The following SPAG16 variants were observed in gnomAD, a reference collection of about 807,000 sequenced individuals.
The protein encoded by SPAG16 is sperm associated antigen 16, also known as sperm-associated antigen 16 protein.
In SPAG16, 86 loss-of-function variants were observed where a neutral mutation model predicts 80.4. The ratio of observed to expected loss-of-function variants is 1.07; its 90% CI spans 0.90 to 1.28. The LOEUF (loss-of-function observed/expected upper bound fraction) is 1.28, where lower values mean the gene tolerates loss of function less well. SPAG16 is among the 50% of genes most tolerant of loss of function. SPAG16 has a pLI of 0.00. For synonymous variants in SPAG16, 294 were observed against 265.9 expected (o/e 1.11, Z -1.03); for missense variants, 870 against 765.3 (o/e 1.14, Z -1.61).
intron 13 of SPAG16, among the ~76,000 whole-genome samples, chr2:214,102,805 C>G (rs1226658793): frequency 2.0e-5 from 3 of 151,712 alleles, no homozygotes; most frequent in Non-Finnish European, 4.4e-5. Flanking sequence ...AGTTCCAGAA[C>G]AGGAAGAGGA....
At chr2:213,589,212 C>G (rs1660723964) in intron 10 of SPAG16, among the ~76,000 whole-genome samples, 1 of 152,086 alleles carries the variant, frequency 6.6e-6, no homozygotes. Flanking sequence ...GTAAATTGCC[C>G]AAACTTCTTC....
chr2:213,472,350 C>T (rs1471578314), intron 9 of SPAG16, among the ~76,000 whole-genome samples: 1 of 152,036 alleles, frequency 6.6e-6, no homozygotes, highest in Non-Finnish European at 1.5e-5. Flanking sequence ...ACAGCAGCTG[C>T]AAATGGAGTC....
intron 10 of SPAG16, among the ~76,000 whole-genome samples, chr2:213,677,356 T>C (rs2064137716): frequency 6.6e-6 from 1 of 152,132 alleles, no homozygotes; most frequent in East Asian, 1.9e-4. Flanking sequence ...CATCAGTGTG[T>C]TGTATTTGGG....
intron 7 of SPAG16, among the ~76,000 whole-genome samples, chr2:213,360,648 G>C (rs914960512): frequency 1.3e-5 from 2 of 152,132 alleles, no homozygotes; most frequent in African/African-American, 4.8e-5. Context: ...TACTAATCAG[G>C]TATATCCTGG....
chr2:213,922,252 A>G (rs1458480496), intron 11 of SPAG16, among the ~76,000 whole-genome samples: 4 of 83,490 alleles, frequency 4.8e-5, no homozygotes, highest in Non-Finnish European at 1.1e-4. Flanking sequence ...TTTTTGTCTG[A>G]CTGAGTTATT....
rs189733708 is a variant in SPAG16, at chr2:213,447,613, G to A, written c.943-42350G>A. Among the ~76,000 whole-genome samples the A allele has an allele frequency of 9.2e-5, 14 of 152,258 alleles. No homozygotes were observed. The East Asian group carries it at 9.7e-4, about 11-fold the overall frequency. ...TTCTTTATGGTGGAGAACATCGGGC[G>A]TTCCCACCGCCACTCCTCTCCCTCA... On this transcript the variant is annotated intron_variant, in intron 9 of 15. Coordinates refer to ENST00000331683, the MANE Select transcript of SPAG16 (RefSeq NM_024532.5).
intron 15 of SPAG16, among the ~76,000 whole-genome samples, chr2:214,213,706 A>G (rs1428839191): frequency 1.3e-5 from 2 of 152,168 alleles, no homozygotes; most frequent in Admixed American, 1.3e-4. Flanking sequence ...GATTGAGCCC[A>G]ATTAAGAATC....
At chr2:213,752,071 C>G (rs960678510) in intron 10 of SPAG16, among the ~76,000 whole-genome samples, 1 of 152,138 alleles carries the variant, frequency 6.6e-6, no homozygotes, top group African/African-American at 2.4e-5. Flanking sequence ...TAGCTAGAAA[C>G]AATTGCTTTT....
At chr2:213,991,864 T>TTTATTTAC (rs1312518530) in intron 12 of SPAG16, among the ~76,000 whole-genome samples, 1 of 124,540 alleles carries the variant, frequency 8.0e-6, no homozygotes, top group East Asian at 2.1e-4. Flanking sequence ...TGAGAGTTTA[T>TTTATTTAC]TTATTTATTT....
intron 11 of SPAG16, among the ~76,000 whole-genome samples, chr2:213,914,778 A>G (rs13030280): frequency 0.23 from 35,057 of 152,122 alleles, 4,666 homozygotes; most frequent in East Asian, 0.4. Flanking sequence ...GGCCACATGT[A>G]TGTCTTCTTT....
intron 3 of SPAG16, among the ~76,000 whole-genome samples, chr2:213,297,978 C>T (rs144248873): frequency 3.9e-5 from 6 of 152,206 alleles, no homozygotes; most frequent in African/African-American, 1.4e-4. Context: ...TGTTTAACCC[C>T]TTTACTACAG....
chr2:213,706,875 T>G (rs1317490586), intron 10 of SPAG16, among the ~76,000 whole-genome samples: 1 of 152,210 alleles, frequency 6.6e-6, no homozygotes, highest in East Asian at 1.9e-4. Context: ...GAGAATCTGC[T>G]TCTAGTCATT....
intron 10 of SPAG16, among the ~76,000 whole-genome samples, chr2:213,815,412 G>A (rs1345012605): frequency 1.3e-5 from 2 of 152,144 alleles, no homozygotes; most frequent in African/African-American, 4.8e-5. Flanking sequence ...AGGACTGTGT[G>A]AATTTGTCCA....
At chr2:213,519,512 A>G (rs956412816) in intron 10 of SPAG16, among the ~76,000 whole-genome samples, 1 of 152,182 alleles carries the variant, frequency 6.6e-6, no homozygotes, top group Non-Finnish European at 1.5e-5. Context: ...CCATCCACAT[A>G]AGATGTGACT....
intron 10 of SPAG16, among the ~76,000 whole-genome samples, chr2:213,750,332 CAA>C (rs910457406): frequency 1.3e-5 from 2 of 151,628 alleles, no homozygotes; most frequent in South Asian, 2.1e-4. Context: ...TGTAAAATGA[CAA>C]GAGTTACATC....
At chr2:214,169,689 T>G (rs2056801995) in intron 15 of SPAG16, among the ~76,000 whole-genome samples, 2 of 152,062 alleles carry the variant, frequency 1.3e-5, no homozygotes, top group Non-Finnish European at 2.9e-5. Flanking sequence ...TAGAAAGTTA[T>G]CTAAGATGAT....
At chr2:214,273,010 T>C (rs1692152290) in intron 15 of SPAG16, among the ~76,000 whole-genome samples, 1 of 152,214 alleles carries the variant, frequency 6.6e-6, no homozygotes, top group African/African-American at 2.4e-5. Flanking sequence ...GGTATCTCAC[T>C]GTGGTTTTGA....
At chr2:213,434,510 ATAAT>A (rs1190523084) in intron 9 of SPAG16, among the ~76,000 whole-genome samples, 1 of 152,236 alleles carries the variant, frequency 6.6e-6, no homozygotes, top group Non-Finnish European at 1.5e-5. Flanking sequence ...AGCAAAGGAA[ATAAT>A]TAACAGAGTT....
chr2:213,913,247 A>G (rs1203533576), intron 11 of SPAG16, among the ~76,000 whole-genome samples: 1 of 152,074 alleles, frequency 6.6e-6, no homozygotes, highest in African/African-American at 2.4e-5. Flanking sequence ...AATATCCATT[A>G]TGTGACTTTT....
Sources: gnomAD v4.1 joint callset for allele counts (sites outside exome capture counted in the v4.1 genomes callset) on GRCh38, gnomAD v4.1.1 for gene constraint, MANE v1.5 for transcripts, NCBI Gene and HGNC (gene_info 2026-07-23, HGNC 2026-07-21) for gene names.